The following MYBPC1 variants were observed in gnomAD, a reference collection of about 807,000 sequenced individuals.
MYBPC1 encodes the protein myosin-binding protein C, slow-type.
In MYBPC1, 52 loss-of-function variants were observed where a neutral mutation model predicts 147.1. That is an observed-to-expected ratio of 0.35 (90% CI 0.28 to 0.45). The LOEUF (loss-of-function observed/expected upper bound fraction) is 0.45. Ranked by LOEUF, MYBPC1 falls within the 20% of genes least tolerant of loss-of-function variation. The pLI, the probability that MYBPC1 is intolerant of heterozygous loss-of-function variation, is 1.00. For missense variants in MYBPC1, 1,228 were observed against 1,440.3 expected, an observed-to-expected ratio of 0.85 and a Z score of 2.39; for synonymous variants, 477 against 475.9, an observed-to-expected ratio of 1.00 and a Z score of -0.03.
chr12:101,695,146 A>G, the MYBPC1 span, among the ~76,000 whole-genome samples: 1 of 152,216 alleles, frequency 6.6e-6, no homozygotes, highest in African/African-American at 2.4e-5. Flanking sequence ...TACGCCACAT[A>G]ATTAAGTTCT....
intron 20 of MYBPC1, among the ~76,000 whole-genome samples, chr12:101,662,011 A>C (rs1345717288): frequency 6.6e-6 from 1 of 151,950 alleles, no homozygotes; most frequent in African/African-American, 2.4e-5. Context: ...AAAACTGGTC[A>C]TTTCCCTCTT....
chr12:101,649,406 C>G lies in MYBPC1; in HGVS notation c.1343C>G (p.Ser448Cys). The change falls in exon 15 of 32, where the codon TCT becomes TGT. Residue 448 changes from serine (S) to cysteine (C), a missense_variant. Coordinates refer to ENST00000361466, the MANE Select transcript of MYBPC1 (RefSeq NM_002465.4). ...YSVMTTGGQS[S>C]AKLSVDLKPL... is the part of the protein sequence containing the mutation. Reference sequence around the variant, plus strand: ...GTAATGACAACAGGAGGACAATCATCTGCTAAACTTAGTGTTGACTGTAAG... The same window carrying G: ...GTAATGACAACAGGAGGACAATCATGTGCTAAACTTAGTGTTGACTGTAAG... 1 of 1,613,900 alleles carries G rather than the reference C, an allele frequency of 6.2e-7. No homozygotes were observed. Among genetic ancestry groups the G allele is most frequent in the South Asian group, 1.1e-5 (1 of 91,066 alleles).
At chr12:101,675,527 C>G in intron 26 of MYBPC1, 96 bp downstream of exon 26, 1 of 1,545,148 alleles carries the variant, frequency 6.5e-7, no homozygotes, top group African/African-American at 1.4e-5. Flanking sequence ...AAGGAGCCAA[C>G]TGGGGCTATG....
intron 24 of MYBPC1, 45 bp from the exon 25 acceptor site, chr12:101,673,382 G>A (rs927847754): frequency 6.3e-7 from 1 of 1,587,016 alleles, no homozygotes; most frequent in Non-Finnish European, 8.6e-7. Flanking sequence ...AACATCTTGA[G>A]ACAATATGAT....
intron 13 of MYBPC1, 23 bp from the exon 14 acceptor site, chr12:101,648,022 G>T: frequency 1.3e-6 from 2 of 1,566,314 alleles, no homozygotes; most frequent in South Asian, 2.2e-5. Flanking sequence ...TAATGATTCT[G>T]ATTTCCCCTT....
At position 101,595,081 on chromosome 12, in the gene MYBPC1, C is replaced by A; in HGVS notation, c.11C>A (p.Pro4His). 6.2e-7 allele frequency: 1 copy of A among 1,612,590 alleles called. No individual in the cohort carries two copies. The highest frequency in any genetic ancestry group is 1.7e-4 in the Middle Eastern group (1 of 6,060). The stretch of plus-strand genomic sequence containing the variant: ...CATCTTATTGTGGCCATGCCAGAAC[C>A]CACTAAGAAAGAGGGTAAGACTTAT... Reference protein sequence around the residue: MPEPTKKEENEVPA... With the variant: MPEHTKKEENEVPA... The change falls in exon 1 of 32, where the codon CCC becomes CAC. Residue 4 changes from proline (P) to histidine (H), a missense_variant. Physicochemically the swap from Pro to His is moderately conservative, Grantham distance 77. Transcript: ENST00000361466.
chr12:101,664,980 T>C (rs1897186836), intron 22 of MYBPC1, among the ~76,000 whole-genome samples: 1 of 152,160 alleles, frequency 6.6e-6, no homozygotes, highest in South Asian at 2.1e-4. Flanking sequence ...CAGTCTTATG[T>C]GTGATGTGGC....
intron 11 of MYBPC1, among the ~76,000 whole-genome samples, chr12:101,643,428 T>G (rs980811834): frequency 1.3e-5 from 2 of 152,180 alleles, no homozygotes; most frequent in Non-Finnish European, 2.9e-5. Context: ...AGCTGACATC[T>G]CTTTTCCCCA....
chr12:101,633,229 C>T (rs1463095775), intron 8 of MYBPC1, among the ~76,000 whole-genome samples: 2 of 152,106 alleles, frequency 1.3e-5, no homozygotes, highest in Non-Finnish European at 2.9e-5. Flanking sequence ...ACACCCTATC[C>T]AGCTTGAGTG....
At chr12:101,615,667 C>T (rs975808158) in intron 2 of MYBPC1, among the ~76,000 whole-genome samples, 1 of 72,396 alleles carries the variant, frequency 1.4e-5, no homozygotes, top group Non-Finnish European at 2.7e-5. Context: ...CCCCCGCCCC[C>T]CCCCCGCCCC....
At chr12:101,631,817 C>A in intron 7 of MYBPC1, 98 bp downstream of exon 7, 1 of 1,548,260 alleles carries the variant, frequency 6.5e-7, no homozygotes. Flanking sequence ...GACTTCAGTT[C>A]CAGAAAATCC....
At position 101,675,041 on chromosome 12, in the gene MYBPC1, C is replaced by G. The variant is rs1438165822; in HGVS notation, c.2810-251C>G. Reference sequence around the variant, plus strand: ...GGTCATTCCCTTTAAACTAAGCACTCTTTCCCCACTGGCTAATCCGTTTTG... The same window carrying G: ...GGTCATTCCCTTTAAACTAAGCACTGTTTCCCCACTGGCTAATCCGTTTTG... On this transcript the variant is annotated intron_variant, in intron 25 of 31. Transcript: ENST00000361466. Among the ~76,000 whole-genome samples the G allele has an allele frequency of 2.0e-5, 3 of 152,070 alleles. No homozygotes were observed. The East Asian group carries it at 5.8e-4, about 29-fold the overall frequency.
intron 10 of MYBPC1, among the ~76,000 whole-genome samples, chr12:101,639,751 C>T (rs905634264): frequency 1.6e-4 from 24 of 152,128 alleles, no homozygotes; most frequent in Non-Finnish European, 3.1e-4. Flanking sequence ...GACTCAGTGA[C>T]TTGTGCCTCT....
At chr12:101,649,121 A>AT in intron 14 of MYBPC1, 139 bp from the exon 15 acceptor site, 1 of 750,436 alleles carries the variant, frequency 1.3e-6, no homozygotes, top group South Asian at 1.7e-5. Context: ...TGATTCGTAC[A>AT]TTTTTTAATT....
rs769008878 is a variant in MYBPC1, at chr12:101,629,445, G to A, written c.190G>A (p.Val64Ile). 10 of 1,611,970 alleles carry A rather than the reference G, an allele frequency of 6.2e-6. No homozygotes were observed. In the African/African-American group the frequency reaches 1.1e-4, roughly 17 times the overall value. ...TTTCTGCTCATCAGACTGGACCCTT[G>A]TCGAAACTCCTCCTGGGGAGGAACA... The part of the protein sequence containing the change: ...LERKDSDWTL[V>I]ETPPGEEQAK... The change falls in exon 6 of 32, where the codon GTC becomes ATC. Residue 64 changes from valine to isoleucine, a missense_variant. Transcript: ENST00000361466.
chr12:101,620,192 T>C (rs1887056780), intron 3 of MYBPC1, among the ~76,000 whole-genome samples: 1 of 152,198 alleles, frequency 6.6e-6, no homozygotes, highest in African/African-American at 2.4e-5. Context: ...CCAACAGCAA[T>C]AGCAGAAATT....
In MYBPC1 at chr12:101,667,883, C is replaced by T. The variant is rs772332498; in HGVS notation, c.2508C>T (p.Leu836=). The T allele has an allele frequency of 1.7e-5, 27 of 1,613,886 alleles. No individual in the cohort carries two copies. The highest frequency in any genetic ancestry group is 1.3e-4 in the South Asian group (12 of 91,056). Residue 836 remains leucine, a synonymous_variant, in exon 23 of 32, where the codon CTC becomes CTT. Transcript: ENST00000361466. ...SEPKYYSQPI[L]VKEIIEPPKI... is the part of the protein sequence containing the mutation. ...CCAAGTACTATTCTCAGCCCATTCTCGTGAAGGAAATCATAGGTAGGAGAC... is the reference window on the plus strand; with the variant it reads ...CCAAGTACTATTCTCAGCCCATTCTTGTGAAGGAAATCATAGGTAGGAGAC...
chr12:101,680,254 C>A (rs1464995805), intron 28 of MYBPC1, 89 bp from the exon 29 acceptor site: 3 of 1,283,006 alleles, frequency 2.3e-6, no homozygotes, highest in Non-Finnish European at 3.3e-6. Flanking sequence ...TTAAGCCATG[C>A]TTTAAAATTC....
intron 22 of MYBPC1, chr12:101,666,934 C>T (rs983661902): frequency 2.2e-5 from 15 of 685,310 alleles, no homozygotes; most frequent in Non-Finnish European, 3.8e-5. Context: ...CACACATACA[C>T]ACACACACAT....
Sources: gnomAD v4.1 joint callset for allele counts (sites outside exome capture counted in the v4.1 genomes callset) on GRCh38, gnomAD v4.1.1 for gene constraint, MANE v1.5 for transcripts, NCBI Gene and HGNC (gene_info 2026-07-23, HGNC 2026-07-21) for gene names.